LCLAT1: variants seen among roughly 807,000 people sequenced by gnomAD.
The protein encoded by LCLAT1 is 1-AGP acyltransferase 8.
Under a neutral mutation model 30.7 loss-of-function variants are expected in LCLAT1, and 11 were observed. That is an observed-to-expected ratio of 0.36 (90% CI 0.23 to 0.59). The LOEUF is 0.59. Among genes scored for constraint, LCLAT1 ranks in the 20% least tolerant of loss-of-function variants. The probability of loss-of-function intolerance (pLI) is 0.77; values close to 1 mark genes in which losing one functional copy is unlikely to be tolerated. For missense variants in LCLAT1, 402 were observed against 458.6 expected, an observed-to-expected ratio of 0.88 and a Z score of 1.13; for synonymous variants, 155 against 151.3, an observed-to-expected ratio of 1.02 and a Z score of -0.18.
intron 1 of LCLAT1, among the ~76,000 whole-genome samples, chr2:30,462,414 C>G (rs925109871): frequency 6.6e-6 from 1 of 152,194 alleles, no homozygotes; most frequent in Non-Finnish European, 1.5e-5. Context: ...TCAAAAGGGG[C>G]ACAGCTTCAC....
intron 5 of LCLAT1, among the ~76,000 whole-genome samples, chr2:30,583,730 C>G (rs1342320928): frequency 6.6e-6 from 1 of 152,064 alleles, no homozygotes; most frequent in Non-Finnish European, 1.5e-5. Context: ...GCAGTCTTTA[C>G]CAATACTGTT....
At chr2:30,523,211 G>T (rs1471968294) in intron 1 of LCLAT1, among the ~76,000 whole-genome samples, 1 of 151,804 alleles carries the variant, frequency 6.6e-6, no homozygotes, top group African/African-American at 2.4e-5. Flanking sequence ...CTGGGGGGCG[G>T]GGTGGGTGTA....
At chr2:30,495,442 A>G (rs936038723) in intron 1 of LCLAT1, among the ~76,000 whole-genome samples, 7 of 152,168 alleles carry the variant, frequency 4.6e-5, no homozygotes, top group African/African-American at 1.7e-4. Flanking sequence ...TTTTTACCCC[A>G]TAAGTAAAAT....
At chr2:30,570,104 G>A (rs913117823) in intron 5 of LCLAT1, among the ~76,000 whole-genome samples, 1 of 151,920 alleles carries the variant, frequency 6.6e-6, no homozygotes, top group East Asian at 1.9e-4. Context: ...AATCTATAGA[G>A]CTCTCTTTTG....
chr2:30,469,865 T>C (rs1018772976), intron 1 of LCLAT1, among the ~76,000 whole-genome samples: 10 of 152,106 alleles, frequency 6.6e-5, no homozygotes, highest in African/African-American at 2.4e-4. Context: ...AGTGCTGAGA[T>C]TACATGCATG....
chr2:30,466,849 T>G (rs1682459212), intron 1 of LCLAT1, among the ~76,000 whole-genome samples: 1 of 152,240 alleles, frequency 6.6e-6, no homozygotes, highest in African/African-American at 2.4e-5. Context: ...TAGGAAGGCT[T>G]AAGAATTTCA....
intron 5 of LCLAT1, among the ~76,000 whole-genome samples, chr2:30,636,679 C>A (rs1046868585): frequency 6.6e-6 from 1 of 152,150 alleles, no homozygotes; most frequent in Non-Finnish European, 1.5e-5. Flanking sequence ...CCCACAGACA[C>A]ACATGGTACA....
intron 1 of LCLAT1, among the ~76,000 whole-genome samples, chr2:30,489,541 A>G (rs1683733136): frequency 6.6e-6 from 1 of 151,964 alleles, no homozygotes; most frequent in Admixed American, 6.6e-5. Context: ...TTTAGTAGAG[A>G]CAGCGTTTCA....
At chr2:30,610,908 C>G (rs894918437) in intron 5 of LCLAT1, among the ~76,000 whole-genome samples, 1 of 151,952 alleles carries the variant, frequency 6.6e-6, no homozygotes, top group Non-Finnish European at 1.5e-5. Flanking sequence ...ATTATTTCCT[C>G]ACCTGTTACC....
chr2:30,584,741 T>A (rs1242909393), intron 5 of LCLAT1, among the ~76,000 whole-genome samples: 1 of 152,202 alleles, frequency 6.6e-6, no homozygotes, highest in African/African-American at 2.4e-5. Context: ...ATCAGGCCTC[T>A]GTAATAATTA....
At chr2:30,580,975 G>C (rs1309671090) in intron 5 of LCLAT1, among the ~76,000 whole-genome samples, 6 of 152,124 alleles carry the variant, frequency 3.9e-5, no homozygotes. Flanking sequence ...GTGGTGAGAA[G>C]GTGAGGGATG....
chr2:30,473,680 T>A (rs1242579374), intron 1 of LCLAT1, among the ~76,000 whole-genome samples: 1 of 152,186 alleles, frequency 6.6e-6, no homozygotes, highest in Non-Finnish European at 1.5e-5. Flanking sequence ...TGAAACAAAT[T>A]GTGCTATTGG....
chr2:30,480,658 C>T (rs1457086414), intron 1 of LCLAT1, among the ~76,000 whole-genome samples: 1 of 151,988 alleles, frequency 6.6e-6, no homozygotes, highest in African/African-American at 2.4e-5. Flanking sequence ...GAGGCCTAGG[C>T]GAGGGGATCA....
chr2:30,464,202 T>G (rs943094212), intron 1 of LCLAT1, among the ~76,000 whole-genome samples: 1 of 152,188 alleles, frequency 6.6e-6, no homozygotes, highest in Non-Finnish European at 1.5e-5. Context: ...TCTTTCCCTT[T>G]TTTTTTAGTG....
intron 1 of LCLAT1, among the ~76,000 whole-genome samples, chr2:30,465,991 A>G (rs1277692742): frequency 6.6e-6 from 1 of 151,940 alleles, no homozygotes; most frequent in African/African-American, 2.4e-5. Flanking sequence ...TTTTTTACTG[A>G]CATATAATTT....
intron 1 of LCLAT1, among the ~76,000 whole-genome samples, chr2:30,455,131 C>T (rs574402935): frequency 2.5e-4 from 38 of 149,664 alleles, no homozygotes; most frequent in African/African-American, 7.7e-4. Flanking sequence ...TTTCTAAAGC[C>T]GTATTTATTT....
intron 1 of LCLAT1, among the ~76,000 whole-genome samples, chr2:30,484,516 G>A (rs1404232652): frequency 2.6e-5 from 4 of 152,042 alleles, no homozygotes; most frequent in African/African-American, 4.8e-5. Flanking sequence ...CTGGCTTTGC[G>A]TTTAACCAAT....
At position 30,534,219 on chromosome 2, in the gene LCLAT1, CTGTGTGTGTGTGTGTG is replaced by C. The variant is rs57380693; in HGVS notation, c.364+945_364+960del. 7.1e-3 allele frequency among the ~76,000 whole-genome samples: 929 copies of C among 130,542 alleles called. 9 individuals carry two copies. Among genetic ancestry groups the C allele is most frequent in the East Asian group, 0.024 (102 of 4,340 alleles). 85.6% of individuals were successfully genotyped at this position (130,542 alleles called of 152,430 possible). ...AGCAAGGGTGTTTGTAGTTGATTTA[CTGTGTGTGTGTGTGTG>C]TGTGTGTGTGTGTGTGTGTGTGTGT... On this transcript the variant is annotated intron_variant, in intron 3 of 5. Coordinates refer to ENST00000379509, the MANE Select transcript of LCLAT1 (RefSeq NM_001002257.3).
In LCLAT1 at chr2:30,506,959, A is replaced by G. The variant is rs56179426; in HGVS notation, c.-4-18628A>G. ...AAGAAGAGTGGTGCATAAATAATGA[A>G]CATATTTCAATTCCTTCAGATTGCA... On this transcript the variant is annotated intron_variant, in intron 1 of 5. Coordinates refer to ENST00000379509, the MANE Select transcript of LCLAT1 (RefSeq NM_001002257.3). Among the ~76,000 whole-genome samples, 618 of 152,288 alleles carry G rather than the reference A, an allele frequency of 4.1e-3. 3 individuals carry two copies. The highest frequency in any genetic ancestry group is 6.0e-3 in the Non-Finnish European group (407 of 67,992).
Sources: gnomAD v4.1 joint callset for allele counts (sites outside exome capture counted in the v4.1 genomes callset) on GRCh38, gnomAD v4.1.1 for gene constraint, MANE v1.5 for transcripts, NCBI Gene and HGNC (gene_info 2026-07-23, HGNC 2026-07-21) for gene names.